The following PLXNB3 variants were observed in gnomAD, a reference collection of about 807,000 sequenced individuals.
The protein encoded by PLXNB3 is plexin B3.
Under a neutral mutation model 125.7 loss-of-function variants are expected in PLXNB3, and 80 were observed. The observed-to-expected ratio is 0.64, with a 90% CI of 0.53 to 0.77. The LOEUF is 0.77. Among genes scored for constraint, PLXNB3 ranks in the 30% least tolerant of loss-of-function variants. The pLI is 0.00. For synonymous variants in PLXNB3, 954 were observed against 783.3 expected (o/e 1.22, Z -3.64); for missense variants, 1,836 against 1,729.3 (o/e 1.06, Z -1.09).
intron 9 of PLXNB3, 23 bp from the exon 10 acceptor site, chrX:153,770,505 G>C: frequency 3.3e-6 from 4 of 1,205,687 alleles, no homozygotes; most frequent in East Asian, 3.0e-5. Flanking sequence ...GCACTCAGTT[G>C]AGCAGCCACC....
intron 26 of PLXNB3, 34 bp downstream of exon 26, chrX:153,775,694 G>C: frequency 8.5e-7 from 1 of 1,179,094 alleles, no homozygotes. Context: ...TCCCAGCCCT[G>C]AGTGGCAGAC....
chrX:153,778,238 C>T (rs373459213), intron 32 of PLXNB3, 23 bp from the exon 33 acceptor site: 13 of 1,197,593 alleles, frequency 1.1e-5, no homozygotes, highest in African/African-American at 7.0e-5. Context: ...TCATGCCTAG[C>T]GCCTCCCCTC....
Position 153,772,000 on chromosome X carries a change from A to AC in PLXNB3, c.2656dup (p.Arg886ProfsTer26). The stretch of plus-strand genomic sequence containing the variant: ...CCCTGCAACCCTGAGCCCTCTCTCT[A>AC]CCGCACGTCGGCCCGGTGAGGCACT... On this transcript the variant is annotated frameshift_variant, in exon 15 of 36. Coordinates refer to ENST00000361971, the MANE Select transcript of PLXNB3 (RefSeq NM_005393.3). LOFTEE classifies it high-confidence loss of function. 1 of 1,194,746 alleles carries AC rather than the reference A, an allele frequency of 8.4e-7. No individual in the cohort carries two copies. The highest frequency in any genetic ancestry group is 1.1e-6 in the Non-Finnish European group (1 of 886,013).
rs1603252009 is a variant in PLXNB3 at position 153,779,190 on chromosome X, C to T, written c.*151C>T. ...TGCCCAGCAGTGGGCTCCCTGCCTGCCACCTCCCCTGCCAGCCCACCCACC... is the reference window on the plus strand; with the variant it reads ...TGCCCAGCAGTGGGCTCCCTGCCTGTCACCTCCCCTGCCAGCCCACCCACC... On this transcript the variant is annotated 3_prime_UTR_variant, in exon 36 of 36. Coordinates refer to ENST00000361971, the MANE Select transcript of PLXNB3 (RefSeq NM_005393.3). 6.0e-6 allele frequency: 2 copies of T among 335,952 alleles called. No homozygotes were observed. Among genetic ancestry groups the T allele is most frequent in the African/African-American group, 5.4e-5 (2 of 37,188 alleles). The allele number at this position is 335,952 out of a possible 1,213,427, so 27.7% of individuals were successfully genotyped here.
chrX:153,770,271 G>C, intron 8 of PLXNB3, 23 bp downstream of exon 8: 1 of 1,208,648 alleles, frequency 8.3e-7, no homozygotes, highest in Non-Finnish European at 1.1e-6. Flanking sequence ...TGGGGTAGGG[G>C]GCTGGGATGG....
chrX:153,770,345 C>T lies in PLXNB3; in HGVS notation c.1794C>T (p.Val598=), dbSNP rs781933838. 2 of 1,209,142 alleles carry T rather than the reference C, an allele frequency of 1.7e-6. No individual in the cohort carries two copies. Among genetic ancestry groups the T allele is most frequent in the East Asian group, 5.9e-5 (2 of 33,838 alleles). ...VPLNPPGTDH[V]TVPLALMFED... ...CCCACTGTCCCCTCCCAGACCACGT[C>T]ACTGTGCCCCTGGCCCTGATGTTCG... Residue 598 remains valine, a synonymous_variant, in exon 9 of 36, where the codon GTC becomes GTT. Coordinates refer to ENST00000361971, the MANE Select transcript of PLXNB3 (RefSeq NM_005393.3).
rs963663189 is a variant in PLXNB3, at chrX:153,779,308, C to T, written c.*269C>T. ...TATTTGCCTGCTGGAAAATCACATC[C>T]GGAAATAAAATAGAAATATGTCTTT... On this transcript the variant is annotated 3_prime_UTR_variant, in exon 36 of 36. Coordinates refer to ENST00000361971, the MANE Select transcript of PLXNB3 (RefSeq NM_005393.3). 1.9e-5 allele frequency: 5 copies of T among 256,584 alleles called. No homozygotes were observed. Among genetic ancestry groups the T allele is most frequent in the Non-Finnish European group, 3.4e-5 (5 of 145,585 alleles). 21.1% of individuals were successfully genotyped at this position (256,584 alleles called of 1,213,427 possible).
At chrX:153,769,451 G>A (rs781982974) in intron 6 of PLXNB3, among the ~76,000 whole-genome samples, 189 bp downstream of exon 6, 6 of 111,949 alleles carry the variant, frequency 5.4e-5, no homozygotes, top group Admixed American at 9.4e-5. Context: ...CCCCTTTTCC[G>A]ACACCACCCG....
At chrX:153,768,618 AGGTGGCTGG>A (rs1448810925) in intron 4 of PLXNB3, among the ~76,000 whole-genome samples, 190 bp downstream of exon 4, 1 of 112,797 alleles carries the variant, frequency 8.9e-6, no homozygotes. Context: ...CTCACGGTGA[AGGTGGCTGG>A]GGTGGCTGGG....
At chrX:153,764,517 C>T (rs1329659797) in intron 1 of PLXNB3, among the ~76,000 whole-genome samples, 6 of 112,937 alleles carry the variant, frequency 5.3e-5, no homozygotes, top group Non-Finnish European at 1.1e-4. Flanking sequence ...CATGTTTCTT[C>T]CCCGAAATGG....
chrX:153,771,353 A>C lies in PLXNB3; in HGVS notation c.2297A>C (p.Tyr766Ser). The C allele has an allele frequency of 8.3e-7, 1 of 1,210,341 alleles. No homozygotes were observed. The highest frequency in any genetic ancestry group is 1.7e-5 in the African/African-American group (1 of 57,878). Reference sequence around the variant, plus strand: ...CAGCGGGAGCTCCCAGTGCCCATCTACGTCACCCAGGGTGAAGCCCAGAGG... The same window carrying C: ...CAGCGGGAGCTCCCAGTGCCCATCTCCGTCACCCAGGGTGAAGCCCAGAGG... ...MSQRELPVPI[Y>S]VTQGEAQRLD... Residue 766 changes from tyrosine to serine, a missense_variant, in exon 13 of 36, where the codon TAC (tyrosine) becomes TCC (serine). Transcript: ENST00000361971.
In PLXNB3 at chrX:153,767,884, G is replaced by A. The variant is rs782055449; in HGVS notation, c.1057G>A (p.Val353Ile). The change falls in exon 3 of 36, where the codon GTC becomes ATC. Residue 353 changes from valine (V) to isoleucine (I), a missense_variant. Coordinates refer to ENST00000361971, the MANE Select transcript of PLXNB3 (RefSeq NM_005393.3). ...AGAGGAAGCCACCGTGGAGTACGGC[G>A]TCACGTCGCGCTGCGTCACCCTGCC... The part of the protein sequence containing the change: ...GAEEATVEYG[V>I]TSRCVTLPLD... 473 of 1,106,021 alleles carry A rather than the reference G, an allele frequency of 4.3e-4. No individual in the cohort carries two copies. The highest frequency in any genetic ancestry group is 5.9e-4 in the African/African-American group (32 of 54,667). 91.1% of individuals were successfully genotyped at this position (1,106,021 alleles called of 1,213,427 possible). A position where few individuals can be genotyped will look rare whatever the true frequency, so the allele number is the denominator to read the frequency against.
chrX:153,768,108 C>T, intron 3 of PLXNB3, 141 bp from the exon 4 acceptor site: 1 of 805,362 alleles, frequency 1.2e-6, no homozygotes, highest in Non-Finnish European at 1.8e-6. Flanking sequence ...TTGCCAGGTG[C>T]CCTGGCCCTT....
Position 153,775,660 on chromosome X carries a change from G to A in PLXNB3, c.4401G>A (p.Arg1467=). The change falls in exon 26 of 36, where the codon AGG becomes AGA. Residue 1467 remains arginine (R), a splice_region_variant and synonymous_variant. Transcript: ENST00000361971. ...WLSICLYAFL[R]EVAGEPLYML... is the part of the protein sequence containing the mutation. ...CCATCTGCCTGTACGCCTTCCTGAGGGTGAGGGGCACTGTCCCGCCTGCTC... is the reference window on the plus strand; with the variant it reads ...CCATCTGCCTGTACGCCTTCCTGAGAGTGAGGGGCACTGTCCCGCCTGCTC... 1 of 1,208,128 alleles carries A rather than the reference G, an allele frequency of 8.3e-7. No homozygotes were observed. The highest frequency in any genetic ancestry group is 1.1e-6 in the Non-Finnish European group (1 of 892,769).
chrX:153,777,901 C>T (rs782253845), intron 31 of PLXNB3, 47 bp from the exon 32 acceptor site: 8 of 1,170,619 alleles, frequency 6.8e-6, no homozygotes, highest in African/African-American at 1.8e-5. Context: ...GCGGAGATCA[C>T]GATGGCAGGC....
In PLXNB3 at chrX:153,775,887, G is replaced by A. The variant is rs144474723; in HGVS notation, c.4402G>A (p.Glu1468Lys). 1.7e-6 allele frequency: 2 copies of A among 1,204,547 alleles called. No homozygotes were observed. The highest frequency in any genetic ancestry group is 1.7e-5 in the African/African-American group (1 of 57,942). ...LSICLYAFLR[E>K]VAGEPLYMLF... The stretch of plus-strand genomic sequence containing the variant: ...ATGCCGGCTCATCTTGGCAGTGCAG[G>A]AGGTGGCTGGTGAACCACTGTACAT... The change falls in exon 27 of 36, where the codon GAG becomes AAG. Residue 1468 changes from glutamate to lysine, a missense_variant and splice_region_variant. Coordinates refer to ENST00000361971, the MANE Select transcript of PLXNB3 (RefSeq NM_005393.3).
rs371181423 is a variant in PLXNB3 at position 153,778,345 on chromosome X, G to A, written c.5474+20G>A. On this transcript the variant is annotated intron_variant, in intron 33 of 35. Transcript: ENST00000361971. ...GGAGAGGTGGGTGTCAGAGGCATCG[G>A]GGCTGCGGGGAAGGGGGCTGCCCCA... 4.1e-6 allele frequency: 5 copies of A among 1,207,061 alleles called. No individual in the cohort carries two copies. In the African/African-American group the frequency reaches 8.7e-5, roughly 21 times the overall value.
At chrX:153,777,872 G>A in intron 31 of PLXNB3, 76 bp from the exon 32 acceptor site, 1 of 1,131,669 alleles carries the variant, frequency 8.8e-7, no homozygotes, top group African/African-American at 1.8e-5. Flanking sequence ...TGTGTTGCCA[G>A]TAGGCTGGAG....
In PLXNB3 at chrX:153,773,608, G is replaced by A. The variant is rs1557062816; in HGVS notation, c.3174G>A (p.Val1058=). The A allele has an allele frequency of 8.3e-7, 1 of 1,205,940 alleles. No homozygotes were observed. The highest frequency in any genetic ancestry group is 1.1e-6 in the Non-Finnish European group (1 of 893,080). ...LSVWLEADAE[V]QASRAQPQDP... is the part of the protein sequence containing the mutation. ...TGTGGCTGGAGGCTGACGCAGAGGT[G>A]CAGGCTTCCAGGGCCCAGCCCCAGG... is the stretch of plus-strand genomic sequence containing the variant. Residue 1058 remains valine (V), a synonymous_variant, in exon 19 of 36, where the codon GTG becomes GTA. Coordinates refer to ENST00000361971, the MANE Select transcript of PLXNB3 (RefSeq NM_005393.3).
Sources: gnomAD v4.1 joint callset for allele counts (sites outside exome capture counted in the v4.1 genomes callset) on GRCh38, gnomAD v4.1.1 for gene constraint, MANE v1.5 for transcripts, NCBI Gene and HGNC (gene_info 2026-07-23, HGNC 2026-07-21) for gene names.